Variants in LINC00632 observed in about 807,000 individuals in gnomAD.
The protein encoded by LINC00632 is ALDOA related specific transcript.
rs184496741 is a variant in LINC00632 at position 140,758,041 on chromosome X, A to G, written n.192-14037A>G. Among the ~76,000 whole-genome samples the G allele has an allele frequency of 3.1e-4, 34 of 111,305 alleles. No homozygotes were observed. In the East Asian group the frequency reaches 9.1e-3, roughly 30 times the overall value. On this transcript the variant is annotated intron_variant and non_coding_transcript_variant, in intron 3 of 4. Coordinates refer to ENST00000648200, the Ensembl canonical transcript of LINC00632. ...TTGAGGATCATTTCATTCTCAGAAA[A>G]TTTATTTTTATGTATTCATGATGGC...
chrX:140,725,190 CATA>C (rs1930925845), intron 2 of LINC00632, among the ~76,000 whole-genome samples: 2 of 70,816 alleles, frequency 2.8e-5, no homozygotes, highest in Non-Finnish European at 5.7e-5. Flanking sequence ...ACACACATTC[CATA>C]CACACACAAA....
chrX:140,768,708 A>C (rs1931740102), intron 3 of LINC00632, among the ~76,000 whole-genome samples: 1 of 98,484 alleles, frequency 1.0e-5, no homozygotes, highest in African/African-American at 3.7e-5. Context: ...ATTATATAAT[A>C]AATATATATT....
chrX:140,764,595 G>A (rs937432774), intron 3 of LINC00632: 1 of 112,395 alleles, frequency 8.9e-6, no homozygotes, highest in Non-Finnish European at 1.9e-5. Flanking sequence ...GCACAGAACG[G>A]CACTGCATCG....
At chrX:140,757,308 G>C (rs1297181078) in intron 3 of LINC00632, among the ~76,000 whole-genome samples, 1 of 111,306 alleles carries the variant, frequency 9.0e-6, no homozygotes. Flanking sequence ...TGAACTATAT[G>C]ATAGGCATTG....
exon 5 of LINC00632, among the ~76,000 whole-genome samples, chrX:140,775,678 G>C (rs1339539828): frequency 1.8e-5 from 2 of 111,506 alleles, no homozygotes; most frequent in Non-Finnish European, 3.8e-5. Context: ...GCATGTGCTT[G>C]CCAAAAAGAG....
At chrX:140,715,538 T>A (rs147320403) in intron 2 of LINC00632, among the ~76,000 whole-genome samples, 3,119 of 109,929 alleles carry the variant, frequency 0.028, 103 homozygotes, top group African/African-American at 0.097. Flanking sequence ...GAGGTTGCAG[T>A]GAGCCGAGAT....
exon 5 of LINC00632, among the ~76,000 whole-genome samples, chrX:140,788,948 C>G: frequency 9.8e-6 from 1 of 101,640 alleles, no homozygotes; most frequent in South Asian, 4.4e-4. Flanking sequence ...ATAGGGTGGG[C>G]TTATTTTTTG....
chrX:140,788,810 G>GTATA (rs1556031382), exon 5 of LINC00632, among the ~76,000 whole-genome samples: 1 of 75,227 alleles, frequency 1.3e-5, no homozygotes, highest in African/African-American at 4.4e-5. Context: ...ACACATATAT[G>GTATA]TATCTATATT....
intron 3 of LINC00632, among the ~76,000 whole-genome samples, chrX:140,767,326 G>A (rs191849317): frequency 6.4e-4 from 71 of 111,512 alleles, no homozygotes; most frequent in African/African-American, 2.2e-3. Context: ...ATGTAAAGCA[G>A]CTAGAACAGT....
chrX:140,720,129 C>A (rs1182782008), intron 2 of LINC00632, among the ~76,000 whole-genome samples: 1 of 109,888 alleles, frequency 9.1e-6, no homozygotes, highest in Non-Finnish European at 1.9e-5. Context: ...AGTCTGCCAA[C>A]CCATGGACAT....
At chrX:140,783,938 TC>T in exon 5 of LINC00632, 1 of 1,208,626 alleles carries the variant, frequency 8.3e-7, no homozygotes, top group Non-Finnish European at 1.1e-6. Flanking sequence ...AGCCATGTCT[TC>T]CAGAAAATCC....
intron 3 of LINC00632, among the ~76,000 whole-genome samples, chrX:140,750,741 A>G (rs767547093): frequency 9.1e-6 from 1 of 110,410 alleles, no homozygotes; most frequent in South Asian, 4.0e-4. Flanking sequence ...TGTACACTGT[A>G]CCTAATATGT....
At chrX:140,718,140 G>T (rs1357305767) in intron 2 of LINC00632, among the ~76,000 whole-genome samples, 1 of 107,582 alleles carries the variant, frequency 9.3e-6, no homozygotes, top group Non-Finnish European at 1.9e-5. Context: ...CCGTCTCAAA[G>T]AAAAAAAAAG....
At chrX:140,759,784 A>G (rs764109440) in intron 3 of LINC00632, among the ~76,000 whole-genome samples, 2 of 111,527 alleles carry the variant, frequency 1.8e-5, no homozygotes, top group Non-Finnish European at 3.8e-5. Context: ...AGGTGACAGG[A>G]CCATGGAGAT....
intron 2 of LINC00632, among the ~76,000 whole-genome samples, chrX:140,726,857 C>T (rs1009859814): frequency 1.5e-4 from 17 of 111,823 alleles, no homozygotes; most frequent in African/African-American, 5.5e-4. Context: ...AATGGATACA[C>T]AACATCTGCT....
intron 3 of LINC00632, among the ~76,000 whole-genome samples, chrX:140,736,678 G>A (rs1288354164): frequency 3.7e-5 from 4 of 108,163 alleles, no homozygotes; most frequent in East Asian, 2.9e-4. Context: ...CTCGTGATCC[G>A]CCCATCTAGG....
intron 3 of LINC00632, among the ~76,000 whole-genome samples, chrX:140,756,033 C>A (rs957156923): frequency 2.7e-5 from 3 of 110,937 alleles, no homozygotes; most frequent in African/African-American, 9.8e-5. Context: ...AAGTAGAATT[C>A]TCTGAACTAC....
At chrX:140,776,150 C>G (rs754767553) in exon 5 of LINC00632, among the ~76,000 whole-genome samples, 1 of 111,787 alleles carries the variant, frequency 8.9e-6, no homozygotes, top group East Asian at 2.8e-4. Context: ...AAGACACTTA[C>G]GCAGCCAACA....
At chrX:140,748,787 TATATATTTTATATATG>T (rs1166129607) in intron 3 of LINC00632, among the ~76,000 whole-genome samples, 4 of 105,953 alleles carry the variant, frequency 3.8e-5, no homozygotes, top group Non-Finnish European at 7.7e-5. Flanking sequence ...AAATATGATA[TATATATTTTATATATG>T]ATATATTTTA....
Sources: gnomAD v4.1 joint callset for allele counts (sites outside exome capture counted in the v4.1 genomes callset) on GRCh38, gnomAD v4.1.1 for gene constraint, MANE v1.5 for transcripts, NCBI Gene and HGNC (gene_info 2026-07-23, HGNC 2026-07-21) for gene names.